The following ROBO1 variants were observed in gnomAD, a reference collection of about 807,000 sequenced individuals.
ROBO1 encodes roundabout homolog 1.
A neutral mutation model predicts 195.9 loss-of-function variants in ROBO1; 149 were observed. The ratio of observed to expected loss-of-function variants is 0.76; its 90% CI spans 0.67 to 0.87. The LOEUF is 0.87. ROBO1 is among the 40% of genes least tolerant of loss of function. The pLI is 0.00. For synonymous variants in ROBO1, 816 were observed against 733.2 expected, an observed-to-expected ratio of 1.11 and a Z score of -1.82; for missense variants, 1,933 against 2,068.3, an observed-to-expected ratio of 0.93 and a Z score of 1.27.
At chr3:78,619,898 A>T (rs938652871) in intron 26 of ROBO1, among the ~76,000 whole-genome samples, 1 of 151,358 alleles carries the variant, frequency 6.6e-6, no homozygotes, top group Non-Finnish European at 1.5e-5. Flanking sequence ...CATGCCTGTA[A>T]TCCCAGCTAC....
At chr3:78,750,498 T>A (rs943914170) in intron 4 of ROBO1, among the ~76,000 whole-genome samples, 3 of 129,850 alleles carry the variant, frequency 2.3e-5, no homozygotes, top group South Asian at 2.4e-4. Flanking sequence ...AATAAATAAA[T>A]AAAATAAAAT....
intron 1 of ROBO1, among the ~76,000 whole-genome samples, chr3:79,628,703 G>A (rs1945254876): frequency 6.6e-6 from 1 of 151,858 alleles, no homozygotes; most frequent in Admixed American, 6.6e-5. Context: ...GATATAAACT[G>A]GCCAATGGAA....
At chr3:79,070,170 A>C (rs961037919) in intron 3 of ROBO1, among the ~76,000 whole-genome samples, 2 of 151,866 alleles carry the variant, frequency 1.3e-5, no homozygotes, top group Non-Finnish European at 2.9e-5. Context: ...TCTTAACTCG[A>C]TCATCACTCA....
intron 2 of ROBO1, among the ~76,000 whole-genome samples, chr3:79,278,272 T>C (rs923989992): frequency 6.6e-6 from 1 of 152,090 alleles, no homozygotes; most frequent in African/African-American, 2.4e-5. Context: ...GTAATCTCTA[T>C]CAACATACTA....
chr3:79,292,627 A>G (rs1211989720), intron 2 of ROBO1, among the ~76,000 whole-genome samples: 1 of 152,168 alleles, frequency 6.6e-6, no homozygotes, highest in Non-Finnish European at 1.5e-5. Context: ...TTATCTATTG[A>G]GACAAATACG....
chr3:79,746,476 A>G lies in ROBO1; in HGVS notation c.-51+21276T>C, dbSNP rs370763491. Among the ~76,000 whole-genome samples, 3 of 152,056 alleles carry G rather than the reference A, an allele frequency of 2.0e-5. No homozygotes were observed. In the South Asian group the frequency reaches 6.2e-4, roughly 31 times the overall value. The stretch of plus-strand genomic sequence containing the variant: ...TGGAATTCTTCCAACATCATCTTCT[A>G]AAACAAACATGTTGTAATAAGAGGT... On this transcript the variant is annotated intron_variant, in intron 1 of 30. Transcript: ENST00000464233.
chr3:79,154,362 C>T (rs1393377733), intron 2 of ROBO1, among the ~76,000 whole-genome samples: 1 of 151,690 alleles, frequency 6.6e-6, no homozygotes, highest in Non-Finnish European at 1.5e-5. Context: ...ATTTCAAAAG[C>T]AACTTCAAAT....
At chr3:78,849,217 T>C (rs1056910947) in intron 4 of ROBO1, among the ~76,000 whole-genome samples, 3 of 152,160 alleles carry the variant, frequency 2.0e-5, no homozygotes, top group Non-Finnish European at 4.4e-5. Context: ...GGCAATTCCG[T>C]GGAGCAATGC....
chr3:78,795,075 T>C (rs1406937021), intron 4 of ROBO1, among the ~76,000 whole-genome samples: 2 of 152,158 alleles, frequency 1.3e-5, no homozygotes, highest in African/African-American at 4.8e-5. Context: ...TATTGATATA[T>C]CACTGATATT....
At chr3:79,192,110 C>G (rs1299793669) in intron 2 of ROBO1, among the ~76,000 whole-genome samples, 1 of 151,248 alleles carries the variant, frequency 6.6e-6, no homozygotes, top group Non-Finnish European at 1.5e-5. Context: ...GTTATTTGTC[C>G]AAAAGTTAAA....
At chr3:78,866,509 C>T (rs894824374) in intron 4 of ROBO1, among the ~76,000 whole-genome samples, 1 of 152,128 alleles carries the variant, frequency 6.6e-6, no homozygotes, top group African/African-American at 2.4e-5. Flanking sequence ...CCTCCCATGC[C>T]ATTTCCTTGA....
chr3:79,341,943 A>G (rs546794158), intron 2 of ROBO1, among the ~76,000 whole-genome samples: 4 of 152,330 alleles, frequency 2.6e-5, no homozygotes, highest in African/African-American at 9.6e-5. Flanking sequence ...ATTTTAATCA[A>G]GAAAATTTTT....
At chr3:79,456,309 G>GT (rs1433155525) in intron 2 of ROBO1, among the ~76,000 whole-genome samples, 11 of 152,112 alleles carry the variant, frequency 7.2e-5, no homozygotes, top group African/African-American at 2.7e-4. Flanking sequence ...TGTTAGAGCA[G>GT]TATGTTCACC....
intron 2 of ROBO1, among the ~76,000 whole-genome samples, chr3:79,294,750 C>A (rs1192484933): frequency 1.3e-5 from 2 of 151,928 alleles, no homozygotes. Flanking sequence ...AACAAATTTA[C>A]AAGAAAAAAA....
chr3:78,626,047 G>C (rs1704754089), intron 26 of ROBO1, among the ~76,000 whole-genome samples: 1 of 152,044 alleles, frequency 6.6e-6, no homozygotes, highest in Admixed American at 6.6e-5. Context: ...GAGGACATAA[G>C]AGATACAAAA....
intron 1 of ROBO1, among the ~76,000 whole-genome samples, chr3:79,662,122 A>G (rs895802695): frequency 6.6e-6 from 1 of 152,056 alleles, no homozygotes; most frequent in Non-Finnish European, 1.5e-5. Context: ...CGTGGCTGCT[A>G]TTACACACAC....
chr3:79,264,065 C>G (rs1026316311), intron 2 of ROBO1, among the ~76,000 whole-genome samples: 1 of 151,962 alleles, frequency 6.6e-6, no homozygotes, highest in East Asian at 1.9e-4. Context: ...TTCACACATG[C>G]CCTATTGGAA....
At chr3:79,582,459 A>T (rs1308269943) in intron 2 of ROBO1, among the ~76,000 whole-genome samples, 1 of 151,932 alleles carries the variant, frequency 6.6e-6, no homozygotes, top group Non-Finnish European at 1.5e-5. Flanking sequence ...AATAGTTTTC[A>T]TTCACAGAGA....
intron 4 of ROBO1, among the ~76,000 whole-genome samples, chr3:78,861,568 C>T (rs763337846): frequency 2.6e-5 from 4 of 152,166 alleles, no homozygotes; most frequent in African/African-American, 4.8e-5. Context: ...CATGAATCTT[C>T]GGAAAATGCC....
Sources: allele counts gnomAD v4.1 joint callset (sites outside exome capture counted in the v4.1 genomes callset), GRCh38; gene constraint gnomAD v4.1.1; transcripts MANE v1.5; gene names NCBI Gene and HGNC (gene_info 2026-07-23, HGNC 2026-07-21).